Variants in ARHGAP6 observed in about 807,000 individuals in gnomAD.
ARHGAP6 encodes rho GTPase-activating protein 6.
A neutral mutation model predicts 55.7 loss-of-function variants in ARHGAP6; 16 were observed. That is an observed-to-expected ratio of 0.29 (90% CI 0.19 to 0.44). The LOEUF (loss-of-function observed/expected upper bound fraction) is 0.44. Ranked by LOEUF, ARHGAP6 falls within the 20% of genes least tolerant of loss-of-function variation. The pLI is 1.00. For missense variants in ARHGAP6, 698 were observed against 808.9 expected (o/e 0.86, Z 1.66); for synonymous variants, 382 against 360.9 (o/e 1.06, Z -0.66).
At chrX:11,226,596 A>C (rs2047053874) in intron 2 of ARHGAP6, among the ~76,000 whole-genome samples, 1 of 112,175 alleles carries the variant, frequency 8.9e-6, no homozygotes, top group African/African-American at 3.2e-5. Context: ...TTGTGTATAA[A>C]ATTGATACTT....
chrX:11,147,643 T>C (rs1006094330), intron 10 of ARHGAP6, among the ~76,000 whole-genome samples: 4 of 112,989 alleles, frequency 3.5e-5, no homozygotes, highest in Non-Finnish European at 7.5e-5. Context: ...ATGGAAGCTA[T>C]TGTAAAAGCA....
At chrX:11,211,443 G>A (rs2046798133) in intron 2 of ARHGAP6, among the ~76,000 whole-genome samples, 1 of 110,606 alleles carries the variant, frequency 9.0e-6, no homozygotes. Context: ...TATTAGCCAG[G>A]ATGTTCTCAA....
At chrX:11,441,033 C>T (rs748130348) in intron 1 of ARHGAP6, among the ~76,000 whole-genome samples, 29 of 111,675 alleles carry the variant, frequency 2.6e-4, no homozygotes, top group Non-Finnish European at 4.7e-4. Context: ...ATCATAATTC[C>T]GACCCTTAGG....
chrX:11,344,456 T>C (rs2048747108), intron 1 of ARHGAP6, among the ~76,000 whole-genome samples: 1 of 108,796 alleles, frequency 9.2e-6, no homozygotes, highest in African/African-American at 3.4e-5. Flanking sequence ...GTAGATCACC[T>C]CAGGTCAGGA....
chrX:11,580,021 T>C (rs761918979), intron 1 of ARHGAP6, among the ~76,000 whole-genome samples: 8 of 111,079 alleles, frequency 7.2e-5, no homozygotes, highest in Non-Finnish European at 1.3e-4. Flanking sequence ...CTCCAAATTA[T>C]ACCACCAGCC....
At chrX:11,404,600 A>C (rs189474400) in intron 1 of ARHGAP6, among the ~76,000 whole-genome samples, 13 of 112,083 alleles carry the variant, frequency 1.2e-4, no homozygotes, top group Admixed American at 1.9e-4. Flanking sequence ...CATCTTAAAA[A>C]GTTTTGTGTT....
At chrX:11,596,565 A>T (rs772084996) in intron 1 of ARHGAP6, among the ~76,000 whole-genome samples, 233 of 111,825 alleles carry the variant, frequency 2.1e-3, no homozygotes, top group Middle Eastern at 9.1e-3. Context: ...CAGAACTTAA[A>T]GTATATTAAA....
intron 1 of ARHGAP6, among the ~76,000 whole-genome samples, chrX:11,396,191 A>G (rs1233459373): frequency 8.1e-5 from 9 of 110,703 alleles, no homozygotes. Context: ...CTACCTTGAG[A>G]ATCCCTGATT....
intron 1 of ARHGAP6, among the ~76,000 whole-genome samples, chrX:11,451,900 A>G (rs898739996): frequency 1.8e-5 from 2 of 112,423 alleles, no homozygotes; most frequent in Non-Finnish European, 3.7e-5. Flanking sequence ...TAAGATGAAA[A>G]TCAACAGATA....
At chrX:11,572,691 T>C (rs2051539270) in intron 1 of ARHGAP6, among the ~76,000 whole-genome samples, 1 of 112,300 alleles carries the variant, frequency 8.9e-6, no homozygotes, top group East Asian at 2.8e-4. Context: ...TATAGTCATT[T>C]GGGTATATAC....
chrX:11,451,161 G>T (rs749063130), intron 1 of ARHGAP6, among the ~76,000 whole-genome samples: 1 of 111,871 alleles, frequency 8.9e-6, no homozygotes, highest in South Asian at 3.8e-4. Context: ...CCCCTTACAA[G>T]AATTCATTCC....
intron 1 of ARHGAP6, among the ~76,000 whole-genome samples, chrX:11,499,425 C>T (rs1459628731): frequency 8.9e-6 from 1 of 111,867 alleles, no homozygotes; most frequent in Admixed American, 9.5e-5. Flanking sequence ...CACTGTAGGA[C>T]TTTTTTTCTA....
At chrX:11,369,792 C>T (rs1181880990) in intron 1 of ARHGAP6, among the ~76,000 whole-genome samples, 2 of 111,967 alleles carry the variant, frequency 1.8e-5, no homozygotes, top group Non-Finnish European at 3.8e-5. Flanking sequence ...CCATTTCCCC[C>T]GTTTTACTCA....
At chrX:11,649,403 T>A (rs748814055) in intron 1 of ARHGAP6, among the ~76,000 whole-genome samples, 1 of 112,220 alleles carries the variant, frequency 8.9e-6, no homozygotes, top group Non-Finnish European at 1.9e-5. Context: ...TGGTTTGTTA[T>A]GCAGCAATAG....
chrX:11,477,943 C>A (rs1156705473), intron 1 of ARHGAP6, among the ~76,000 whole-genome samples: 1 of 111,745 alleles, frequency 8.9e-6, no homozygotes, highest in African/African-American at 3.3e-5. Flanking sequence ...ACCTGCCAAA[C>A]TTAGTCAACC....
intron 1 of ARHGAP6, among the ~76,000 whole-genome samples, chrX:11,622,780 G>C (rs1309299541): frequency 9.0e-6 from 1 of 111,336 alleles, no homozygotes; most frequent in Non-Finnish European, 1.9e-5. Context: ...ACCTTGAAAT[G>C]TGTATATGGA....
chrX:11,605,748 A>G (rs895363189), intron 1 of ARHGAP6, among the ~76,000 whole-genome samples: 9 of 111,428 alleles, frequency 8.1e-5, no homozygotes, highest in Non-Finnish European at 1.9e-5. Context: ...GAAAATCCTA[A>G]TAACAACAAT....
chrX:11,469,038 G>C (rs2050323143), intron 1 of ARHGAP6, among the ~76,000 whole-genome samples: 1 of 112,533 alleles, frequency 8.9e-6, no homozygotes, highest in South Asian at 3.7e-4. Context: ...AAGGTCCTTA[G>C]TAGACACAGA....
At position 11,452,731 on chromosome X, in the gene ARHGAP6, G is replaced by A. The variant is rs536831971; in HGVS notation, c.589-198024C>T. On this transcript the variant is annotated intron_variant, in intron 1 of 12. Coordinates refer to ENST00000337414, the MANE Select transcript of ARHGAP6 (RefSeq NM_013427.3). ...CTGCTCACATACCATGACAGCTAAT[G>A]AATTTTACTCTACAGAGATTTTTTC... is the stretch of plus-strand genomic sequence containing the variant. Among the ~76,000 whole-genome samples the A allele has an allele frequency of 3.7e-3, 417 of 111,794 alleles. 1 individual carries two copies. The highest frequency in any genetic ancestry group is 0.014 in the Middle Eastern group (3 of 218).
Sources: allele counts gnomAD v4.1 joint callset (sites outside exome capture counted in the v4.1 genomes callset), GRCh38; gene constraint gnomAD v4.1.1; transcripts MANE v1.5; gene names NCBI Gene and HGNC (gene_info 2026-07-23, HGNC 2026-07-21).